The following PCDHGA2 variants were observed in gnomAD, a reference collection of about 807,000 sequenced individuals.
The protein encoded by PCDHGA2 is protocadherin gamma-A2.
PCDHGA2 carries 40 observed loss-of-function variants against 59.2 expected under a neutral mutation model. The observed-to-expected ratio is 0.68, with a 90% CI of 0.52 to 0.88. The LOEUF (loss-of-function observed/expected upper bound fraction) is 0.88. Among genes scored for constraint, PCDHGA2 ranks in the 40% least tolerant of loss-of-function variants. PCDHGA2 has a pLI of 0.00. For synonymous variants in PCDHGA2, 560 were observed against 526.0 expected, an observed-to-expected ratio of 1.06 and a Z score of -0.89; for missense variants, 1,226 against 1,204.0, an observed-to-expected ratio of 1.02 and a Z score of -0.27.
chr5:141,394,520 A>G, intron 1 of PCDHGA2: 4 of 1,614,190 alleles, frequency 2.5e-6, no homozygotes, highest in African/African-American at 1.3e-5. Context: ...CCCTCCCCAC[A>G]GACGGTTCCA....
At chr5:141,398,223 G>C (rs995722310) in intron 1 of PCDHGA2, 1 of 1,482,728 alleles carries the variant, frequency 6.7e-7, no homozygotes, top group South Asian at 1.3e-5. Context: ...TCTGTGAGCA[G>C]ATCCGCTACA....
intron 1 of PCDHGA2, chr5:141,426,204 T>C (rs10046053): frequency 0.11 from 17,599 of 155,696 alleles, 1,197 homozygotes; most frequent in African/African-American, 0.19. Flanking sequence ...TTGAGTTTTC[T>C]ATGTATGGAA....
intron 1 of PCDHGA2, among the ~76,000 whole-genome samples, chr5:141,449,061 A>G (rs1280366583): frequency 1.3e-5 from 2 of 152,190 alleles, no homozygotes; most frequent in Non-Finnish European, 2.9e-5. Context: ...AATGAGCGCT[A>G]TTGAATAGCC....
At position 141,383,792 on chromosome 5, in the gene PCDHGA2, C is replaced by T. The variant is rs766483523; in HGVS notation, c.2424+42397C>T. On this transcript the variant is annotated intron_variant, in intron 1 of 3. Coordinates refer to ENST00000394576, the MANE Select transcript of PCDHGA2 (RefSeq NM_018915.4). ...AAGATGTTTCATCTGAACTCGCTTA[C>T]AGGAGAAATATCAACTTTAGAAGGA... 2 of 1,613,914 alleles carry T rather than the reference C, an allele frequency of 1.2e-6. No homozygotes were observed. The highest frequency in any genetic ancestry group is 1.1e-5 in the South Asian group (1 of 91,080).
intron 1 of PCDHGA2, chr5:141,395,872 T>G (rs950924655): frequency 2.0e-5 from 3 of 152,138 alleles, no homozygotes; most frequent in Non-Finnish European, 4.4e-5. Context: ...ATTAAGTATG[T>G]GAGTCAGTGG....
intron 1 of PCDHGA2, chr5:141,385,306 A>T (rs1479708640): frequency 8.7e-6 from 14 of 1,612,618 alleles, no homozygotes; most frequent in Non-Finnish European, 1.2e-5. Context: ...ATGTAAAGAA[A>T]ACCTGCCAAG....
chr5:141,383,610 C>T, intron 1 of PCDHGA2: 1 of 1,613,818 alleles, frequency 6.2e-7, no homozygotes, highest in South Asian at 1.1e-5. Flanking sequence ...ATGTGAATGA[C>T]CACACGCCTG....
At chr5:141,376,171 G>C (rs758847977) in intron 1 of PCDHGA2, 5 of 1,614,096 alleles carry the variant, frequency 3.1e-6, no homozygotes. Flanking sequence ...TGGTGGTGGC[G>C]GTGGCCGCGG....
At chr5:141,413,687 T>C (rs1470256826) in intron 1 of PCDHGA2, 1 of 1,613,784 alleles carries the variant, frequency 6.2e-7, no homozygotes, top group South Asian at 1.1e-5. Flanking sequence ...GTGAACTCCC[T>C]GCAGAGCTAT....
At chr5:141,409,088 GAGAAAAC>G in intron 1 of PCDHGA2, 1 of 1,614,044 alleles carries the variant, frequency 6.2e-7, no homozygotes, top group Non-Finnish European at 8.5e-7. Context: ...CTCATTGGAT[GAGAAAAC>G]AGGTATGATT....
rs1030462993 is a variant in PCDHGA2 at position 141,367,932 on chromosome 5, A to G, written c.2424+26537A>G. On this transcript the variant is annotated intron_variant, in intron 1 of 3. Coordinates refer to ENST00000394576, the MANE Select transcript of PCDHGA2 (RefSeq NM_018915.4). Reference sequence around the variant, plus strand: ...GAAAAAAAAAGAACTCAACTTAAAGATGGTTCAAAATTTTAAATTTCATAT... The same window carrying G: ...GAAAAAAAAAGAACTCAACTTAAAGGTGGTTCAAAATTTTAAATTTCATAT... 103 of 152,212 alleles carry G rather than the reference A, an allele frequency of 6.8e-4. 1 individual carries two copies. The highest frequency in any genetic ancestry group is 2.4e-3 in the African/African-American group (101 of 41,450). The allele number at this position is 152,212 out of a possible 1,614,324, so 9.4% of individuals were successfully genotyped here.
At chr5:141,467,582 TGCCATTTATTAA>T (rs2099146610) in intron 1 of PCDHGA2, among the ~76,000 whole-genome samples, 2 of 152,216 alleles carry the variant, frequency 1.3e-5, no homozygotes, top group Non-Finnish European at 1.5e-5. Context: ...GTTGTCCCAA[TGCCATTTATTAA>T]GCACTTCATC....
intron 1 of PCDHGA2, chr5:141,344,798 G>T: frequency 6.2e-7 from 1 of 1,613,974 alleles, no homozygotes; most frequent in Non-Finnish European, 8.5e-7. Flanking sequence ...GGGAGAACGT[G>T]CCTGTGGGTA....
chr5:141,344,438 A>G, intron 1 of PCDHGA2: 1 of 1,613,630 alleles, frequency 6.2e-7, no homozygotes. Flanking sequence ...ATTTCCCAAC[A>G]GAGGAATTGG....
At chr5:141,475,979 C>A in intron 1 of PCDHGA2, 1 of 1,020,182 alleles carries the variant, frequency 9.8e-7, no homozygotes, top group Non-Finnish European at 1.4e-6. Flanking sequence ...GACTGAACAG[C>A]CGGCGAGCAA....
Position 141,487,568 on chromosome 5 carries a change from C to G in PCDHGA2, c.2425-7239C>G, listed in dbSNP as rs752378906. The G allele has an allele frequency of 1.9e-6, 3 of 1,614,180 alleles. No homozygotes were observed. Among genetic ancestry groups the G allele is most frequent in the Non-Finnish European group, 2.5e-6 (3 of 1,180,042 alleles). ...ACCCAGTGCACCTATGGCAGGGGAG[C>G]CTGTTCGCCCAAGCTGCCCACCCTC... On this transcript the variant is annotated intron_variant, in intron 1 of 3. Transcript: ENST00000394576. This position sits in a 1 kb window ranked among gnomAD's most constrained non-coding sequence, Gnocchi z 5.0.
intron 1 of PCDHGA2, among the ~76,000 whole-genome samples, chr5:141,481,153 A>G (rs1376488411): frequency 2.0e-5 from 3 of 152,224 alleles, no homozygotes; most frequent in Non-Finnish European, 4.4e-5. Context: ...TTATTCTGGT[A>G]TTTGCAGAAC....
At chr5:141,344,418 A>G (rs1588458780) in intron 1 of PCDHGA2, 1 of 1,612,616 alleles carries the variant, frequency 6.2e-7, no homozygotes, top group Admixed American at 1.7e-5. Context: ...TATTAATGAT[A>G]ATGCTCCTAA....
rs372994272 is a variant in PCDHGA2, at chr5:141,485,358, G to C, written c.2425-9449G>C. On this transcript the variant is annotated intron_variant, in intron 1 of 3. Coordinates refer to ENST00000394576, the MANE Select transcript of PCDHGA2 (RefSeq NM_018915.4). This position sits in a 1 kb window ranked among gnomAD's most constrained non-coding sequence, Gnocchi z 5.7. ...CTGGATACGGACAGTCTGTCAGCTC[G>C]CAGGCTGCAGGTCGCTGGAGAGGTG... is the stretch of plus-strand genomic sequence containing the variant. 3.1e-6 allele frequency: 5 copies of C among 1,613,982 alleles called. No homozygotes were observed. Among genetic ancestry groups the C allele is most frequent in the Non-Finnish European group, 4.2e-6 (5 of 1,180,014 alleles).
Sources: allele counts gnomAD v4.1 joint callset (sites outside exome capture counted in the v4.1 genomes callset), GRCh38; gene constraint gnomAD v4.1.1; non-coding constraint Gnocchi (gnomAD v3.1); transcripts MANE v1.5; gene names NCBI Gene and HGNC (gene_info 2026-07-23, HGNC 2026-07-21).